The following TSPAN9 variants were observed in gnomAD, a reference collection of about 807,000 sequenced individuals.
The protein encoded by TSPAN9 is tetraspanin 9, also known as tetraspanin-9.
TSPAN9 carries 16 observed loss-of-function variants against 31.0 expected under a neutral mutation model. The ratio of observed to expected loss-of-function variants is 0.52; its 90% CI spans 0.35 to 0.78. The LOEUF is 0.78. Ranked by LOEUF, TSPAN9 falls within the 30% of genes least tolerant of loss-of-function variation. The pLI is 0.01. For missense variants in TSPAN9, 272 were observed against 312.5 expected (o/e 0.87, Z 0.98); for synonymous variants, 145 against 121.6 (o/e 1.19, Z -1.27).
intron 2 of TSPAN9, among the ~76,000 whole-genome samples, chr12:3,109,642 C>CA (rs540300634): frequency 9.4e-4 from 143 of 151,402 alleles, no homozygotes; most frequent in African/African-American, 3.3e-3. Flanking sequence ...ACTAAAAATA[C>CA]AAAAAATTAG....
At chr12:3,250,621 G>A (rs374907306) in intron 3 of TSPAN9, among the ~76,000 whole-genome samples, 3 of 152,320 alleles carry the variant, frequency 2.0e-5, no homozygotes, top group Non-Finnish European at 4.4e-5. Context: ...AGCCCAAGAC[G>A]CCCTGTCCTT....
intron 3 of TSPAN9, among the ~76,000 whole-genome samples, chr12:3,245,657 G>A (rs555556113): frequency 1.4e-4 from 21 of 152,322 alleles, no homozygotes; most frequent in African/African-American, 5.0e-4. Context: ...ACAGTCATAA[G>A]AGGGGGTGGT....
chr12:3,171,051 C>T (rs2098351509), intron 2 of TSPAN9, among the ~76,000 whole-genome samples: 1 of 152,164 alleles, frequency 6.6e-6, no homozygotes, highest in South Asian at 2.1e-4. Flanking sequence ...GATCCAGCCA[C>T]CGTTCGTCAC....
chr12:3,156,366 G>A (rs1311999185), intron 2 of TSPAN9, among the ~76,000 whole-genome samples: 1 of 152,214 alleles, frequency 6.6e-6, no homozygotes, highest in Non-Finnish European at 1.5e-5. Context: ...ACTGGGAGAG[G>A]GAGGGGCAGC....
chr12:3,219,258 A>C (rs946311513), intron 3 of TSPAN9, among the ~76,000 whole-genome samples: 2 of 152,328 alleles, frequency 1.3e-5, no homozygotes, highest in Admixed American at 6.5e-5. Context: ...TTTTGTGAAC[A>C]ATGACAGTGA....
At chr12:3,095,465 C>T (rs1251483960) in intron 2 of TSPAN9, among the ~76,000 whole-genome samples, 1 of 140,098 alleles carries the variant, frequency 7.1e-6, no homozygotes, top group South Asian at 2.4e-4. Context: ...AGGCGCCCCT[C>T]ACCTCCCGGA....
At position 3,093,411 on chromosome 12, in the gene TSPAN9, C is replaced by T. The variant is rs531223307; in HGVS notation, c.-18+9692C>T. 1.2e-4 allele frequency among the ~76,000 whole-genome samples: 19 copies of T among 152,262 alleles called. No homozygotes were observed. The South Asian group carries it at 3.7e-3, about 30-fold the overall frequency. ...AAAGTGGAGAGGTAGGGTCTGGTCT[C>T]CAGCTCACCCATAAAAGCTGGTGAG... On this transcript the variant is annotated intron_variant, in intron 2 of 8. Transcript: ENST00000011898.
chr12:3,182,292 G>A (rs2098358901), intron 2 of TSPAN9, among the ~76,000 whole-genome samples: 1 of 152,024 alleles, frequency 6.6e-6, no homozygotes. Flanking sequence ...GCTAATTCTG[G>A]TTACTGATGG....
chr12:3,098,910 G>A (rs990101347), intron 2 of TSPAN9, among the ~76,000 whole-genome samples: 2 of 151,802 alleles, frequency 1.3e-5, no homozygotes, highest in African/African-American at 2.4e-5. Flanking sequence ...GCATCACCAC[G>A]CCCGGCTAAT....
chr12:3,136,048 C>T lies in TSPAN9; in HGVS notation c.-18+52329C>T, dbSNP rs530595178. On this transcript the variant is annotated intron_variant, in intron 2 of 8. Transcript: ENST00000011898. ...CCCGAGGAGTCCCCAGCTTGGTAGC[C>T]TGTGCAGTTACTGAGGGCACTGTGG... Among the ~76,000 whole-genome samples, 7 of 152,328 alleles carry T rather than the reference C, an allele frequency of 4.6e-5. No homozygotes were observed. The South Asian group carries it at 1.5e-3, about 32-fold the overall frequency.
chr12:3,254,571 A>G (rs1862310164), intron 3 of TSPAN9, among the ~76,000 whole-genome samples: 1 of 152,160 alleles, frequency 6.6e-6, no homozygotes. Context: ...GTCCGTTCTG[A>G]TGATGATGAT....
At chr12:3,150,589 T>C (rs1178213041) in intron 2 of TSPAN9, among the ~76,000 whole-genome samples, 2 of 152,214 alleles carry the variant, frequency 1.3e-5, no homozygotes, top group Non-Finnish European at 2.9e-5. Context: ...TGCTAGGTGC[T>C]CAATGAATGC....
At chr12:3,139,362 C>G (rs1413481054) in intron 2 of TSPAN9, among the ~76,000 whole-genome samples, 1 of 152,176 alleles carries the variant, frequency 6.6e-6, no homozygotes, top group African/African-American at 2.4e-5. Flanking sequence ...ACACCTCCCC[C>G]TCCCCCTCCT....
At chr12:3,151,684 TGAAACAGAATA>T (rs2153968628) in intron 2 of TSPAN9, among the ~76,000 whole-genome samples, 1 of 152,280 alleles carries the variant, frequency 6.6e-6, no homozygotes, top group South Asian at 2.1e-4. Context: ...AACCCAGATA[TGAAACAGAATA>T]GGGCAGCCTC....
intron 3 of TSPAN9, among the ~76,000 whole-genome samples, chr12:3,245,429 C>A (rs1355517369): frequency 6.6e-6 from 1 of 152,166 alleles, no homozygotes; most frequent in East Asian, 1.9e-4. Flanking sequence ...TTTTCTCAGC[C>A]CCCTTTTGTG....
At chr12:3,243,093 G>C (rs1482926564) in intron 3 of TSPAN9, among the ~76,000 whole-genome samples, 3 of 152,188 alleles carry the variant, frequency 2.0e-5, no homozygotes, top group Non-Finnish European at 4.4e-5. Context: ...GCCATCAATG[G>C]ACCTTAAAAT....
intron 2 of TSPAN9, among the ~76,000 whole-genome samples, chr12:3,104,303 A>G (rs369253451): frequency 6.6e-6 from 1 of 152,010 alleles, no homozygotes. Context: ...GCTGCTCGGT[A>G]GAAAATCGGT....
At chr12:3,177,503 G>A (rs115437320) in intron 2 of TSPAN9, among the ~76,000 whole-genome samples, 6,195 of 152,006 alleles carry the variant, frequency 0.041, 404 homozygotes, top group African/African-American at 0.14. Context: ...CTCAATCTTG[G>A]CTCACTGCAC....
At chr12:3,093,520 T>C (rs2098306029) in intron 2 of TSPAN9, among the ~76,000 whole-genome samples, 1 of 152,184 alleles carries the variant, frequency 6.6e-6, no homozygotes, top group Admixed American at 6.5e-5. Context: ...GGCTGCGGAC[T>C]ACCTCATGCC....
Sources: allele counts gnomAD v4.1 joint callset (sites outside exome capture counted in the v4.1 genomes callset), GRCh38; gene constraint gnomAD v4.1.1; transcripts MANE v1.5; gene names NCBI Gene and HGNC (gene_info 2026-07-23, HGNC 2026-07-21).